CDH13: variants seen among roughly 807,000 people sequenced by gnomAD.
CDH13 encodes the protein cadherin-13.
In CDH13, 24 loss-of-function variants were observed where a neutral mutation model predicts 63.8. That is an observed-to-expected ratio of 0.38 (90% CI 0.27 to 0.53). CDH13 has a LOEUF of 0.53. CDH13 is among the 20% of genes least tolerant of loss of function. The probability of loss-of-function intolerance (pLI) is 0.85; values close to 1 mark genes in which losing one functional copy is unlikely to be tolerated. For synonymous variants in CDH13, 503 were observed against 355.3 expected (o/e 1.42, Z -4.67); for missense variants, 1,049 against 903.1 (o/e 1.16, Z -2.07).
chr16:82,636,803 A>T (rs528390433), intron 1 of CDH13, among the ~76,000 whole-genome samples: 1 of 152,214 alleles, frequency 6.6e-6, no homozygotes, highest in East Asian at 1.9e-4. Flanking sequence ...AGCTCTTGCC[A>T]ATTTCTGTGA....
Position 83,340,877 on chromosome 16 carries a change from CT to C in CDH13, c.637-3976del, listed in dbSNP as rs201174893. Among the ~76,000 whole-genome samples, 645 of 151,528 alleles carry C rather than the reference CT, an allele frequency of 4.3e-3. 2 individuals carry two copies. The highest frequency in any genetic ancestry group is 7.6e-3 in the Admixed American group (115 of 15,184). On this transcript the variant is annotated intron_variant, in intron 5 of 13. Coordinates refer to ENST00000567109, the MANE Select transcript of CDH13 (RefSeq NM_001257.5). ...CCCTCTCATCTGCCTCCACAGTGGA[CT>C]TTTTTTTTAATATCACACCTTGTTA...
At chr16:82,857,951 C>T (rs565058326) in intron 1 of CDH13, among the ~76,000 whole-genome samples, 16 of 152,266 alleles carry the variant, frequency 1.1e-4, no homozygotes, top group African/African-American at 3.9e-4. Context: ...TAAATTCCAA[C>T]AGAATAGTTC....
chr16:83,608,279 T>G (rs1020367288), intron 8 of CDH13, among the ~76,000 whole-genome samples: 8 of 152,192 alleles, frequency 5.3e-5, no homozygotes, highest in Admixed American at 1.3e-4. Flanking sequence ...AAATGAGAGA[T>G]GGGCAAATGC....
intron 5 of CDH13, among the ~76,000 whole-genome samples, chr16:83,293,707 A>T (rs990235279): frequency 6.6e-6 from 1 of 152,222 alleles, no homozygotes; most frequent in African/African-American, 2.4e-5. Flanking sequence ...CAACTTATTC[A>T]TTCAGAGCAG....
intron 5 of CDH13, among the ~76,000 whole-genome samples, chr16:83,314,788 C>A (rs2151888985): frequency 6.6e-6 from 1 of 152,294 alleles, no homozygotes; most frequent in South Asian, 2.1e-4. Flanking sequence ...TTCCAAATTC[C>A]ACATTAGGTG....
At position 83,171,826 on chromosome 16, in the gene CDH13, C is replaced by T. The variant is rs141384170; in HGVS notation, c.484-45519C>T. On this transcript the variant is annotated intron_variant, in intron 4 of 13. Transcript: ENST00000567109. ...CTTGCAAAGGCATGAATACCTCCAC[C>T]GGTGCAGATCAACATAAGAAATTTA... Among the ~76,000 whole-genome samples the T allele has an allele frequency of 2.9e-4, 44 of 152,202 alleles. 1 individual carries two copies. The highest frequency in any genetic ancestry group is 7.2e-4 in the African/African-American group (30 of 41,544).
chr16:82,995,142 C>A (rs1437481906), intron 2 of CDH13, among the ~76,000 whole-genome samples: 1 of 152,182 alleles, frequency 6.6e-6, no homozygotes, highest in Non-Finnish European at 1.5e-5. Flanking sequence ...CCAAGTGGCT[C>A]AGGGATGGAG....
At chr16:83,507,361 G>C (rs1387927373) in intron 7 of CDH13, among the ~76,000 whole-genome samples, 1 of 152,226 alleles carries the variant, frequency 6.6e-6, no homozygotes, top group Non-Finnish European at 1.5e-5. Context: ...AATGAATGAA[G>C]AGTGTGTGTT....
intron 4 of CDH13, among the ~76,000 whole-genome samples, chr16:83,216,315 A>G (rs1055310085): frequency 6.8e-6 from 1 of 146,254 alleles, no homozygotes; most frequent in Non-Finnish European, 1.5e-5. Flanking sequence ...AGCTTTGGCC[A>G]TGGCCAGCTT....
rs1024385198 is a variant in CDH13, at chr16:83,045,705, G to A, written c.366+13487G>A. On this transcript the variant is annotated intron_variant, in intron 3 of 13. Coordinates refer to ENST00000567109, the MANE Select transcript of CDH13 (RefSeq NM_001257.5). ...GGGAAAAAAACATCTCCAATGATGA[G>A]AAAATACAGTGTTTGATAAAGACCA... Among the ~76,000 whole-genome samples the A allele has an allele frequency of 1.2e-4, 17 of 147,668 alleles. No individual in the cohort carries two copies. The East Asian group carries it at 2.8e-3, about 24-fold the overall frequency.
chr16:83,056,033 A>C (rs1415957986), intron 3 of CDH13, among the ~76,000 whole-genome samples: 1 of 152,196 alleles, frequency 6.6e-6, no homozygotes, highest in Non-Finnish European at 1.5e-5. Context: ...CCCAACTAAC[A>C]ATGGAGGAAA....
intron 10 of CDH13, among the ~76,000 whole-genome samples, chr16:83,723,665 A>G (rs968918174): frequency 2.0e-5 from 3 of 151,678 alleles, no homozygotes; most frequent in African/African-American, 2.4e-5. Flanking sequence ...AGCACATACC[A>G]CTCTCTGAAG....
chr16:82,647,787 T>A (rs1597212604), intron 1 of CDH13, among the ~76,000 whole-genome samples: 1 of 151,914 alleles, frequency 6.6e-6, no homozygotes, highest in South Asian at 2.1e-4. Flanking sequence ...GAGCTTGGGG[T>A]TGGGTGGTGA....
chr16:82,655,344 G>T (rs1211277002), intron 1 of CDH13, among the ~76,000 whole-genome samples: 1 of 152,222 alleles, frequency 6.6e-6, no homozygotes, highest in East Asian at 1.9e-4. Flanking sequence ...GGTTGGGGGT[G>T]AGGGGAGGTG....
intron 1 of CDH13, among the ~76,000 whole-genome samples, chr16:82,852,816 A>T (rs1440436314): frequency 6.6e-6 from 1 of 152,188 alleles, no homozygotes; most frequent in African/African-American, 2.4e-5. Flanking sequence ...TTGATGACAG[A>T]CTTCTCTGGC....
At chr16:82,747,309 A>T (rs1156346697) in intron 1 of CDH13, among the ~76,000 whole-genome samples, 1 of 152,212 alleles carries the variant, frequency 6.6e-6, no homozygotes, top group Non-Finnish European at 1.5e-5. Context: ...GACCCTCAGG[A>T]GTATGCACGT....
At chr16:83,555,630 C>A (rs1411406718) in intron 7 of CDH13, among the ~76,000 whole-genome samples, 1 of 152,156 alleles carries the variant, frequency 6.6e-6, no homozygotes, top group African/African-American at 2.4e-5. Flanking sequence ...GTGGAGAAAA[C>A]CAATTGATAA....
At chr16:83,748,532 G>T (rs142176452) in intron 11 of CDH13, among the ~76,000 whole-genome samples, 1 of 152,170 alleles carries the variant, frequency 6.6e-6, no homozygotes, top group Non-Finnish European at 1.5e-5. Flanking sequence ...AGAAAGCCAC[G>T]CTGATGTGCT....
chr16:82,936,027 C>A (rs1314023397), intron 2 of CDH13, among the ~76,000 whole-genome samples: 1 of 152,164 alleles, frequency 6.6e-6, no homozygotes, highest in Admixed American at 6.5e-5. Context: ...AGGGCATGGG[C>A]AAGGCTGGTC....
Sources: allele counts gnomAD v4.1 joint callset (sites outside exome capture counted in the v4.1 genomes callset), GRCh38; gene constraint gnomAD v4.1.1; transcripts MANE v1.5; gene names NCBI Gene and HGNC (gene_info 2026-07-23, HGNC 2026-07-21).